ADAMTS17: variants seen among roughly 807,000 people sequenced by gnomAD.
ADAMTS17 encodes the protein A disintegrin and metalloproteinase with thrombospondin motifs 17.
Under a neutral mutation model 141.5 loss-of-function variants are expected in ADAMTS17, and 113 were observed. That is an observed-to-expected ratio of 0.80 (90% CI 0.69 to 0.93). The LOEUF (loss-of-function observed/expected upper bound fraction) is 0.93. Among genes scored for constraint, ADAMTS17 ranks in the 40% least tolerant of loss-of-function variants. The pLI, the probability that ADAMTS17 is intolerant of heterozygous loss-of-function variation, is 0.00. For missense variants in ADAMTS17, 1,659 were observed against 1,517.9 expected (o/e 1.09, Z -1.54); for synonymous variants, 768 against 630.6 (o/e 1.22, Z -3.27).
In ADAMTS17 at chr15:99,993,656, A is replaced by C. The variant is rs2060736464; in HGVS notation, c.2797-456T>G. ...CTCCAGGTGCACATGCTGTGCTTGG[A>C]CCAGCCTGGGACAAACTCCTCGATC... On this transcript the variant is annotated intron_variant, in intron 19 of 21. Transcript: ENST00000268070. The surrounding 1 kb of genome is among the most constrained non-coding windows in gnomAD (Gnocchi z 4.3). 6.6e-6 allele frequency among the ~76,000 whole-genome samples: 1 copy of C among 152,156 alleles called. No homozygotes were observed. Among genetic ancestry groups the C allele is most frequent in the Non-Finnish European group, 1.5e-5 (1 of 68,024 alleles).
At chr15:100,139,041 A>G (rs545635096) in intron 10 of ADAMTS17, among the ~76,000 whole-genome samples, 4 of 152,352 alleles carry the variant, frequency 2.6e-5, no homozygotes, top group Middle Eastern at 3.4e-3. Context: ...GATTGGTTAT[A>G]TAACTCTGCA....
intron 14 of ADAMTS17, among the ~76,000 whole-genome samples, chr15:100,100,004 G>A (rs1489501679): frequency 6.6e-6 from 1 of 152,192 alleles, no homozygotes; most frequent in Non-Finnish European, 1.5e-5. Context: ...CCTAGTGGAC[G>A]TGTCTCCAGC....
chr15:100,246,439 G>C (rs1203131104), intron 7 of ADAMTS17, among the ~76,000 whole-genome samples: 1 of 152,122 alleles, frequency 6.6e-6, no homozygotes, highest in African/African-American at 2.4e-5. Flanking sequence ...AAAAAGCAAA[G>C]AACATGGTCA....
intron 3 of ADAMTS17, among the ~76,000 whole-genome samples, chr15:100,305,406 A>C (rs1052881764): frequency 4.6e-5 from 7 of 152,222 alleles, no homozygotes; most frequent in Admixed American, 4.6e-4. Flanking sequence ...ATTTGTACTC[A>C]GGTCTTCAGA....
At chr15:100,057,812 C>T (rs1017865203) in intron 15 of ADAMTS17, among the ~76,000 whole-genome samples, 12 of 152,132 alleles carry the variant, frequency 7.9e-5, no homozygotes, top group African/African-American at 2.7e-4. Flanking sequence ...AAGATGTCCA[C>T]AGAGAGGACA....
intron 8 of ADAMTS17, among the ~76,000 whole-genome samples, chr15:100,157,732 G>A (rs947020769): frequency 2.1e-4 from 32 of 152,124 alleles, no homozygotes; most frequent in Non-Finnish European, 3.7e-4. Context: ...GATCTGGCGT[G>A]GTGGCAGACT....
chr15:100,256,835 C>A (rs1372496766), intron 6 of ADAMTS17: 1 of 152,600 alleles, frequency 6.6e-6, no homozygotes, highest in Non-Finnish European at 1.5e-5. Flanking sequence ...AGGTGAAGCC[C>A]CCCCAGGTGC....
chr15:99,989,898 AC>A lies in ADAMTS17; in HGVS notation c.2949+3149del, dbSNP rs1396973885. On this transcript the variant is annotated intron_variant, in intron 20 of 21. Transcript: ENST00000268070. ...TAGACATATATATTAGCATCTTGAA[AC>A]CTCTAAGCATCTCTGAGAAACAGGC... is the stretch of plus-strand genomic sequence containing the variant. 9.9e-5 allele frequency among the ~76,000 whole-genome samples: 15 copies of A among 151,970 alleles called. No homozygotes were observed. In the East Asian group the frequency reaches 2.9e-3, roughly 29 times the overall value.
chr15:100,270,483 G>A (rs1472500562), intron 4 of ADAMTS17, among the ~76,000 whole-genome samples: 1 of 152,076 alleles, frequency 6.6e-6, no homozygotes, highest in Non-Finnish European at 1.5e-5. Flanking sequence ...AGGCTCTCCA[G>A]AAGCAAATTT....
intron 18 of ADAMTS17, among the ~76,000 whole-genome samples, chr15:100,040,723 C>T (rs1427487481): frequency 6.6e-6 from 1 of 151,246 alleles, no homozygotes; most frequent in African/African-American, 2.4e-5. Flanking sequence ...TGTCCTCCAT[C>T]TTGAATGTTT....
At chr15:100,174,737 T>A (rs1567303356) in intron 8 of ADAMTS17, among the ~76,000 whole-genome samples, 2 of 152,192 alleles carry the variant, frequency 1.3e-5, no homozygotes. Flanking sequence ...CCTCTCTGGA[T>A]TTTGGCTCAA....
intron 12 of ADAMTS17, chr15:100,126,454 T>C (rs1277253730): frequency 6.6e-6 from 1 of 152,180 alleles, no homozygotes; most frequent in Non-Finnish European, 1.5e-5. Context: ...CTGGGTTCTG[T>C]GTTGAAGCTT....
At chr15:100,245,200 G>T (rs1424995551) in intron 7 of ADAMTS17, among the ~76,000 whole-genome samples, 1 of 152,164 alleles carries the variant, frequency 6.6e-6, no homozygotes, top group East Asian at 1.9e-4. Context: ...CCAATATCTT[G>T]TGCAGGTTTG....
rs1292743986 is a variant in ADAMTS17 at position 100,132,038 on chromosome 15, G to A, written c.1690C>T (p.Arg564Cys). 16 of 1,613,886 alleles carry A rather than the reference G, an allele frequency of 9.9e-6. No individual in the cohort carries two copies. The highest frequency in any genetic ancestry group is 3.3e-4 in the Middle Eastern group (2 of 6,062). Residue 564 changes from arginine to cysteine, a missense_variant, in exon 12 of 22, where the codon CGC becomes TGC. Physicochemically the swap from Arg to Cys is radical, Grantham distance 180. Coordinates refer to ENST00000268070, the MANE Select transcript of ADAMTS17 (RefSeq NM_139057.4). ...MCSRTCGTGARFRQRKCDNPP... is the reference protein window; with the variant it reads ...MCSRTCGTGACFRQRKCDNPP... ...TTGTCACATTTCCTCTGCCTGAAGC[G>A]GGCTCCCGTCCCACATGTTCGGCTG...
intron 3 of ADAMTS17, among the ~76,000 whole-genome samples, chr15:100,299,230 C>T (rs982237528): frequency 2.6e-5 from 4 of 152,038 alleles, no homozygotes; most frequent in African/African-American, 9.7e-5. Flanking sequence ...CTCAGATACT[C>T]ATCTTCCCTG....
At chr15:100,123,412 C>T (rs1035205696) in intron 12 of ADAMTS17, among the ~76,000 whole-genome samples, 1 of 152,176 alleles carries the variant, frequency 6.6e-6, no homozygotes, top group Non-Finnish European at 1.5e-5. Flanking sequence ...AAGGTGGGTC[C>T]AGTCTTTCCC....
intron 3 of ADAMTS17, among the ~76,000 whole-genome samples, chr15:100,320,658 C>A: frequency 6.6e-6 from 1 of 152,110 alleles, no homozygotes; most frequent in East Asian, 1.9e-4. Context: ...CATGGTGAAA[C>A]CCTGTCTCTA....
intron 11 of ADAMTS17, among the ~76,000 whole-genome samples, chr15:100,132,772 G>A (rs1209076729): frequency 1.3e-5 from 2 of 152,086 alleles, no homozygotes. Flanking sequence ...TGCAGATCCC[G>A]AACACCCCTT....
intron 7 of ADAMTS17, among the ~76,000 whole-genome samples, chr15:100,226,119 G>C (rs1044275259): frequency 2.6e-5 from 4 of 151,896 alleles, no homozygotes; most frequent in African/African-American, 7.3e-5. Context: ...GTGCCATTCA[G>C]TCCTTACAGC....
Sources: gnomAD v4.1 joint callset for allele counts (sites outside exome capture counted in the v4.1 genomes callset) on GRCh38, gnomAD v4.1.1 for gene constraint, Gnocchi (gnomAD v3.1) non-coding constraint, MANE v1.5 for transcripts, NCBI Gene and HGNC (gene_info 2026-07-23, HGNC 2026-07-21) for gene names.